RPSA: variants seen among roughly 807,000 people sequenced by gnomAD.
RPSA encodes the protein small ribosomal subunit protein uS2.
For missense variants in RPSA, 140 were observed against 372.8 expected (o/e 0.38, Z 5.14); for synonymous variants, 103 against 126.7 (o/e 0.81, Z 1.25).
intron 3 of RPSA, 81 bp from the exon 4 acceptor site, chr3:39,410,673 C>G (rs978998096): frequency 1.2e-5 from 19 of 1,535,336 alleles, no homozygotes; most frequent in Non-Finnish European, 1.6e-5. Flanking sequence ...ATTAAGTTGG[C>G]CAGTGCCCAG....
chr3:39,408,440 C>T, intron 2 of RPSA, 166 bp from the exon 3 acceptor site: 1 of 771,932 alleles, frequency 1.3e-6, no homozygotes, highest in Non-Finnish European at 2.4e-6. Flanking sequence ...TCATGAACTT[C>T]TGAGTGTCGG....
In RPSA at chr3:39,412,452, A is replaced by G; in HGVS notation, c.*84A>G. The G allele has an allele frequency of 1.2e-6, 1 of 812,390 alleles. No individual in the cohort carries two copies. Among genetic ancestry groups the G allele is most frequent in the Non-Finnish European group, 2.0e-6 (1 of 503,942 alleles). The allele number at this position is 812,390 out of a possible 1,614,324, so 50.3% of individuals were successfully genotyped here. A position where few individuals can be genotyped will look rare whatever the true frequency, so the allele number is the denominator to read the frequency against. On this transcript the variant is annotated 3_prime_UTR_variant, in exon 7 of 7. Transcript: ENST00000301821. ...CAGTTTCTAAAAGTTGTCTTCATTT[A>G]GTTTGCTTTTTACTCCAGATCAGAA...
intron 2 of RPSA, chr3:39,408,405 G>A (rs761531263): frequency 1.3e-6 from 1 of 756,920 alleles, no homozygotes; most frequent in East Asian, 2.5e-5. Context: ...CACTATTAAA[G>A]CTCAGGGTGG....
intron 1 of RPSA, chr3:39,407,120 T>G: frequency 2.5e-6 from 1 of 399,394 alleles, no homozygotes; most frequent in Non-Finnish European, 4.9e-6. Flanking sequence ...CACCAGCTAC[T>G]TGGGCTGGTC....
chr3:39,409,794 A>C (rs970328251), intron 3 of RPSA, among the ~76,000 whole-genome samples: 1 of 152,020 alleles, frequency 6.6e-6, no homozygotes, highest in East Asian at 1.9e-4. Context: ...TGATTTTGCC[A>C]CTGCACTCCA....
Position 39,408,665 on chromosome 3 carries a change from A to G in RPSA, c.193A>G (p.Ile65Val), listed in dbSNP as rs747434456. ...GAAGCTTCTGCTGGCAGCTCGTGCA[A>G]TTGTTGCCATTGAAAACCCTGCTGA... ...WEKLLLAARAIVAIENPADVS... is the reference protein window; with the variant it reads ...WEKLLLAARAVVAIENPADVS... The change falls in exon 3 of 7, where the codon ATT becomes GTT. Residue 65 changes from isoleucine to valine, a missense_variant. Physicochemically the swap from Ile to Val is conservative, Grantham distance 29 (BLOSUM62 3). Coordinates refer to ENST00000301821, the MANE Select transcript of RPSA (RefSeq NM_002295.6). 3.5e-5 allele frequency: 56 copies of G among 1,613,648 alleles called. No homozygotes were observed. Among genetic ancestry groups the G allele is most frequent in the Non-Finnish European group, 4.6e-5 (54 of 1,179,680 alleles).
chr3:39,410,657 G>T (rs2041992874), intron 3 of RPSA, 97 bp from the exon 4 acceptor site: 1 of 1,344,502 alleles, frequency 7.4e-7, no homozygotes, highest in Non-Finnish European at 1.1e-6. Context: ...ACATGGAGTA[G>T]TAGTGATTAA....
At chr3:39,411,146 C>G in intron 4 of RPSA, 147 bp downstream of exon 4, 3 of 943,010 alleles carry the variant, frequency 3.2e-6, no homozygotes, top group Non-Finnish European at 5.2e-6. Context: ...CAAGTTTTCG[C>G]TAACACCACA....
chr3:39,411,102 A>C (rs1165084698), intron 4 of RPSA, 103 bp downstream of exon 4: 2 of 1,436,390 alleles, frequency 1.4e-6, no homozygotes, highest in Admixed American at 1.7e-5. Context: ...TGGCCGATGA[A>C]CTCGCAAGTG....
chr3:39,407,173 C>T (rs975398181), intron 1 of RPSA: 6 of 352,398 alleles, frequency 1.7e-5, no homozygotes, highest in African/African-American at 6.5e-5. Flanking sequence ...TTAAGGTTCT[C>T]GGGTTTTTAG....
chr3:39,411,173 T>A (rs1301978699), intron 4 of RPSA, 174 bp downstream of exon 4: 2 of 788,200 alleles, frequency 2.5e-6, no homozygotes, highest in Admixed American at 3.4e-5. Flanking sequence ...TCTGGCCCAA[T>A]GAGTGGAGTT....
chr3:39,407,476 G>C, intron 1 of RPSA, 145 bp from the exon 2 acceptor site: 1 of 715,816 alleles, frequency 1.4e-6, no homozygotes, highest in East Asian at 2.6e-5. Context: ...TACACGACAT[G>C]TATGGGTTAA....
intron 2 of RPSA, 69 bp from the exon 3 acceptor site, chr3:39,408,537 T>C (rs757318774): frequency 2.2e-6 from 2 of 927,180 alleles, no homozygotes; most frequent in South Asian, 1.3e-5. Context: ...CGCTGCCACA[T>C]AGAGTAAACT....
intron 2 of RPSA, chr3:39,408,123 AAG>A: frequency 8.1e-6 from 3 of 370,242 alleles, no homozygotes; most frequent in Non-Finnish European, 1.5e-5. Context: ...AAAGTGGGGT[AAG>A]AGGTGGGAAT....
intron 4 of RPSA, 92 bp downstream of exon 4, chr3:39,411,091 C>T (rs750988853): frequency 6.0e-6 from 9 of 1,503,622 alleles, no homozygotes; most frequent in African/African-American, 1.4e-5. Context: ...AGGCTACTGA[C>T]TGGCCGATGA....
rs115128905 is a variant in RPSA, at chr3:39,410,472, G to C, written c.253-282G>C. 2.8e-3 allele frequency: 1,281 copies of C among 453,100 alleles called. 10 individuals are homozygous for C. Among genetic ancestry groups the C allele is most frequent in the African/African-American group, 0.022 (1,085 of 50,356 alleles). 28.1% of individuals were successfully genotyped at this position (453,100 alleles called of 1,614,324 possible). A position where few individuals can be genotyped will look rare whatever the true frequency, so the allele number is the denominator to read the frequency against. ...GTTAGTTATTGCTGTAGAATGAACT[G>C]AGTGACAGTTCTTGCTTGCTTGAGA... On this transcript the variant is annotated intron_variant, in intron 3 of 6. Coordinates refer to ENST00000301821, the MANE Select transcript of RPSA (RefSeq NM_002295.6).
intron 4 of RPSA, 93 bp from the exon 5 acceptor site, chr3:39,411,556 C>A: frequency 7.3e-7 from 1 of 1,367,480 alleles, no homozygotes; most frequent in Non-Finnish European, 1.0e-6. Flanking sequence ...GATGTCTGTA[C>A]TTTTGGTACC....
intron 2 of RPSA, 149 bp downstream of exon 2, chr3:39,407,935 C>T (rs2041943123): frequency 1.6e-6 from 1 of 631,132 alleles, no homozygotes; most frequent in African/African-American, 1.8e-5. Flanking sequence ...AATAAATGTT[C>T]TTGTTATTGA....
In RPSA at chr3:39,408,597, C is replaced by T; in HGVS notation, c.134-9C>T. On this transcript the variant is annotated splice_polypyrimidine_tract_variant and intron_variant, in intron 2 of 6. Transcript: ENST00000301821. ...GTCAAGTGTTACAAATCCTTCTGCC[C>T]TCACTTAGGCATCTATATCATAAAT... 6.9e-7 allele frequency: 1 copy of T among 1,447,012 alleles called. No homozygotes were observed. Among genetic ancestry groups the T allele is most frequent in the Non-Finnish European group, 9.7e-7 (1 of 1,027,530 alleles). The allele number at this position is 1,447,012 out of a possible 1,614,324, so 89.6% of individuals were successfully genotyped here.
Sources: gnomAD v4.1 joint callset for allele counts (sites outside exome capture counted in the v4.1 genomes callset) on GRCh38, gnomAD v4.1.1 for gene constraint, MANE v1.5 for transcripts, NCBI Gene and HGNC (gene_info 2026-07-23, HGNC 2026-07-21) for gene names.